Variants in CLASP2 observed in about 807,000 individuals in gnomAD.
CLASP2 encodes cytoplasmic linker associated protein 2, also known as CLIP-associating protein 2.
CLASP2 carries 47 observed loss-of-function variants against 194.4 expected under a neutral mutation model. The ratio of observed to expected loss-of-function variants is 0.24; its 90% CI spans 0.19 to 0.31. The LOEUF is 0.31. Among genes scored for constraint, CLASP2 ranks in the 10% least tolerant of loss-of-function variants. The probability of loss-of-function intolerance (pLI) is 1.00; values close to 1 mark genes in which losing one functional copy is unlikely to be tolerated. For missense variants in CLASP2, 1,445 were observed against 1,823.6 expected, an observed-to-expected ratio of 0.79 and a Z score of 3.78; for synonymous variants, 619 against 633.5, an observed-to-expected ratio of 0.98 and a Z score of 0.34.
chr3:33,682,000 A>G (rs1022802751), intron 6 of CLASP2, among the ~76,000 whole-genome samples: 4 of 152,142 alleles, frequency 2.6e-5, no homozygotes, highest in Admixed American at 1.3e-4. Flanking sequence ...TGCAAACACC[A>G]CCTCCTCATC....
chr3:33,506,206 C>G (rs978165145), intron 37 of CLASP2, among the ~76,000 whole-genome samples: 5 of 151,544 alleles, frequency 3.3e-5, no homozygotes, highest in South Asian at 2.1e-4. Context: ...AACCTTGTCT[C>G]TACTAAAAAC....
chr3:33,575,583 A>G (rs2064688490), intron 24 of CLASP2, among the ~76,000 whole-genome samples: 1 of 152,176 alleles, frequency 6.6e-6, no homozygotes, highest in Non-Finnish European at 1.5e-5. Flanking sequence ...TACTTCTTAC[A>G]TAATTTTAAG....
At chr3:33,610,458 T>C (rs2074921417) in intron 13 of CLASP2, among the ~76,000 whole-genome samples, 1 of 152,214 alleles carries the variant, frequency 6.6e-6, no homozygotes, top group Non-Finnish European at 1.5e-5. Context: ...CTGCTTAGGT[T>C]GTACTCCACT....
Position 33,549,202 on chromosome 3 carries a change from G to T in CLASP2, c.3153+2050C>A, listed in dbSNP as rs193112409. Among the ~76,000 whole-genome samples the T allele has an allele frequency of 3.9e-5, 6 of 152,224 alleles. No individual in the cohort carries two copies. The East Asian group carries it at 1.2e-3, about 29-fold the overall frequency. On this transcript the variant is annotated intron_variant, in intron 30 of 38. Transcript: ENST00000682230. ...AAAGAACCAGCTTTTGGTTTCACTGGTTTTCCCAGTCTCTATTTCATTAAC... is the reference window on the plus strand; with the variant it reads ...AAAGAACCAGCTTTTGGTTTCACTGTTTTTCCCAGTCTCTATTTCATTAAC...
intron 29 of CLASP2, among the ~76,000 whole-genome samples, chr3:33,552,762 T>C (rs1488414217): frequency 6.6e-6 from 1 of 152,128 alleles, no homozygotes; most frequent in Non-Finnish European, 1.5e-5. Context: ...TATAACACAA[T>C]ATTATGAACT....
At chr3:33,706,246 CCAAAAAACACA>C (rs1032994832) in intron 1 of CLASP2, among the ~76,000 whole-genome samples, 51 of 151,830 alleles carry the variant, frequency 3.4e-4, no homozygotes, top group African/African-American at 1.1e-3. Flanking sequence ...AGATCCTCTC[CCAAAAAACACA>C]CAAAAAACAC....
intron 9 of CLASP2, 106 bp from the exon 10 acceptor site, chr3:33,627,186 A>G (rs2078201717): frequency 2.8e-6 from 2 of 705,148 alleles, no homozygotes; most frequent in East Asian, 5.5e-5. Flanking sequence ...TTTATTTCCC[A>G]TTCTAGCACC....
chr3:33,504,105 T>C (rs774286233), intron 37 of CLASP2: 1 of 152,228 alleles, frequency 6.6e-6, no homozygotes. Context: ...TTTGCAAGAA[T>C]GTTCTCCCAT....
chr3:33,586,917 A>AG lies in CLASP2; in HGVS notation c.2069-1998dup, dbSNP rs571121509. Among the ~76,000 whole-genome samples, 70 of 152,052 alleles carry AG rather than the reference A, an allele frequency of 4.6e-4. No individual in the cohort carries two copies. The East Asian group carries it at 7.7e-3, about 17-fold the overall frequency. On this transcript the variant is annotated intron_variant, in intron 21 of 38. Coordinates refer to ENST00000682230, the MANE Select transcript of CLASP2 (RefSeq NM_001365631.1). ...GGGAGTAGTAAGATGACTGATCAAGAGGGGGGGTGCCTGCCCTTTCCTAAA... is the reference window on the plus strand; with the variant it reads ...GGGAGTAGTAAGATGACTGATCAAGAGGGGGGGGTGCCTGCCCTTTCCTAAA...
intron 7 of CLASP2, among the ~76,000 whole-genome samples, chr3:33,648,099 TGAAAA>T (rs1340114795): frequency 2.7e-5 from 4 of 150,488 alleles, no homozygotes; most frequent in Admixed American, 6.6e-5. Context: ...TCTGATTAAC[TGAAAA>T]GAAGAGATAC....
At chr3:33,579,099 C>A (rs527590739) in intron 23 of CLASP2, among the ~76,000 whole-genome samples, 1 of 152,278 alleles carries the variant, frequency 6.6e-6, no homozygotes, top group Non-Finnish European at 1.5e-5. Context: ...ACAAACAGGG[C>A]TAATCTGCTG....
intron 38 of CLASP2, among the ~76,000 whole-genome samples, chr3:33,501,009 G>A (rs2046728044): frequency 6.6e-6 from 1 of 152,180 alleles, no homozygotes; most frequent in Non-Finnish European, 1.5e-5. Flanking sequence ...GCCTCCCAAA[G>A]TGATGGGATT....
intron 10 of CLASP2, among the ~76,000 whole-genome samples, chr3:33,622,878 G>GCTCCACTGCAA (rs201926361): frequency 0.024 from 3,657 of 151,716 alleles, 134 homozygotes; most frequent in African/African-American, 0.084. Flanking sequence ...TGCCACTGCA[G>GCTCCACTGCAA]CTCCACTGCA....
rs2125498082 is a variant in CLASP2, at chr3:33,718,079, T to A, written c.-77A>T. 5.0e-6 allele frequency: 7 copies of A among 1,392,366 alleles called. No homozygotes were observed. The highest frequency in any genetic ancestry group is 1.5e-5 in the South Asian group (1 of 65,748). The allele number at this position is 1,392,366 out of a possible 1,614,324, so 86.3% of individuals were successfully genotyped here. ...AGAGCCGCCCAGCCTCCAGTGCGGG[T>A]CCCCGCGGGAGCGGGCGGGACTCAC... On this transcript the variant is annotated 5_prime_UTR_variant, in exon 1 of 39. Coordinates refer to ENST00000682230, the MANE Select transcript of CLASP2 (RefSeq NM_001365631.1).
At chr3:33,598,721 C>G (rs1264346750) in intron 18 of CLASP2, among the ~76,000 whole-genome samples, 4 of 152,212 alleles carry the variant, frequency 2.6e-5, no homozygotes, top group African/African-American at 9.7e-5. Context: ...TTTCCAACTT[C>G]TATATCAACC....
At chr3:33,571,028 T>A (rs2063647408) in intron 25 of CLASP2, among the ~76,000 whole-genome samples, 1 of 145,318 alleles carries the variant, frequency 6.9e-6, no homozygotes, top group Non-Finnish European at 1.5e-5. Flanking sequence ...TTTTTTTTTT[T>A]TTTTTGAGAC....
At chr3:33,605,232 A>C (rs2073500084) in intron 16 of CLASP2, among the ~76,000 whole-genome samples, 1 of 152,184 alleles carries the variant, frequency 6.6e-6, no homozygotes, top group Non-Finnish European at 1.5e-5. Context: ...CAGATTCTAG[A>C]TTTTAAAAAG....
rs1179375808 is a variant in CLASP2 at position 33,604,333 on chromosome 3, T to C, written c.1695-124A>G. 8.6e-6 allele frequency: 6 copies of C among 695,140 alleles called. No individual in the cohort carries two copies. The African/African-American group carries it at 1.1e-4, about 13-fold the overall frequency. 43.1% of individuals were successfully genotyped at this position (695,140 alleles called of 1,614,324 possible). On this transcript the variant is annotated intron_variant, in intron 16 of 38. Transcript: ENST00000682230. The stretch of plus-strand genomic sequence containing the variant: ...TATTTCTTTTTTCTTTTTTTTTTTT[T>C]TTGAGACAGAGTCTTGCTGTGTCAC...
intron 8 of CLASP2, among the ~76,000 whole-genome samples, chr3:33,641,300 G>T (rs914546674): frequency 6.6e-6 from 1 of 151,800 alleles, no homozygotes; most frequent in African/African-American, 2.4e-5. Flanking sequence ...TGAGCCAAAA[G>T]AAAGAAAAAT....
Sources: allele counts gnomAD v4.1 joint callset (sites outside exome capture counted in the v4.1 genomes callset), GRCh38; gene constraint gnomAD v4.1.1; transcripts MANE v1.5; gene names NCBI Gene and HGNC (gene_info 2026-07-23, HGNC 2026-07-21).